LARGE1: variants seen among roughly 807,000 people sequenced by gnomAD.
LARGE1 encodes the protein LARGE xylosyl- and glucuronyltransferase 1, also known as xylosyl- and glucuronyltransferase LARGE1.
LARGE1 carries 43 observed loss-of-function variants against 87.6 expected under a neutral mutation model. The observed-to-expected ratio is 0.49, with a 90% CI of 0.38 to 0.63. LARGE1 has a LOEUF of 0.63. Ranked by LOEUF, LARGE1 falls within the 30% of genes least tolerant of loss-of-function variation. LARGE1 has a pLI of 0.00. For synonymous variants in LARGE1, 434 were observed against 394.6 expected (o/e 1.10, Z -1.18); for missense variants, 802 against 1,000.2 (o/e 0.80, Z 2.67).
chr22:33,113,729 C>T, the LARGE1 span, among the ~76,000 whole-genome samples: 1 of 152,172 alleles, frequency 6.6e-6, no homozygotes, highest in Non-Finnish European at 1.5e-5. Flanking sequence ...GTTTCAAATT[C>T]TCTCTCCCAG....
intron 3 of LARGE1, among the ~76,000 whole-genome samples, chr22:33,642,439 T>G (rs762136842): frequency 4.6e-5 from 7 of 151,998 alleles, no homozygotes; most frequent in Non-Finnish European, 8.8e-5. Context: ...ACATACCAAA[T>G]TATAAAGATC....
intron 1 of LARGE1, among the ~76,000 whole-genome samples, chr22:33,764,892 T>A (rs755422427): frequency 3.3e-5 from 5 of 152,156 alleles, no homozygotes; most frequent in South Asian, 2.1e-4. Context: ...GTTGCAACCA[T>A]CCGTTTTTTT....
intron 2 of LARGE1, among the ~76,000 whole-genome samples, chr22:33,686,839 C>T (rs1033716923): frequency 1.3e-5 from 2 of 152,164 alleles, no homozygotes; most frequent in Non-Finnish European, 2.9e-5. Context: ...CAATTATGTC[C>T]AAACTAAACA....
intron 1 of LARGE1, among the ~76,000 whole-genome samples, chr22:33,850,186 G>T (rs910925659): frequency 1.3e-5 from 2 of 152,196 alleles, no homozygotes; most frequent in South Asian, 4.1e-4. Flanking sequence ...AGGATCAGAA[G>T]ATCTCGGGCC....
the LARGE1 span, among the ~76,000 whole-genome samples, chr22:33,104,734 T>C: frequency 6.6e-6 from 1 of 152,178 alleles, no homozygotes; most frequent in Non-Finnish European, 1.5e-5. Context: ...AGAGACCTCT[T>C]CTTCTGCCTA....
At chr22:33,071,673 C>T in the LARGE1 span, among the ~76,000 whole-genome samples, 6 of 152,266 alleles carry the variant, frequency 3.9e-5, no homozygotes, top group African/African-American at 1.2e-4. Flanking sequence ...TATATTAATA[C>T]ATGTTTATGG....
intron 5 of LARGE1, among the ~76,000 whole-genome samples, chr22:33,597,669 A>T (rs1405332513): frequency 1.3e-5 from 2 of 152,150 alleles, no homozygotes; most frequent in South Asian, 4.2e-4. Flanking sequence ...ATTGGGTCTA[A>T]GAGAAAAGGA....
chr22:33,321,517 C>A (rs1049429691), intron 10 of LARGE1, among the ~76,000 whole-genome samples: 1 of 152,270 alleles, frequency 6.6e-6, no homozygotes, highest in Non-Finnish European at 1.5e-5. Flanking sequence ...TTATCCTCCA[C>A]TGGAGACTAA....
At chr22:33,368,627 G>A (rs2064685646) in intron 9 of LARGE1, among the ~76,000 whole-genome samples, 1 of 151,738 alleles carries the variant, frequency 6.6e-6, no homozygotes, top group African/African-American at 2.4e-5. Context: ...GTTCTAATGA[G>A]CTCTGTGTGT....
At chr22:33,154,641 CTCTT>C in the LARGE1 span, among the ~76,000 whole-genome samples, 1 of 152,168 alleles carries the variant, frequency 6.6e-6, no homozygotes, top group Non-Finnish European at 1.5e-5. Context: ...TTCCTCATCA[CTCTT>C]TCTTCCTTTC....
the LARGE1 span, among the ~76,000 whole-genome samples, chr22:33,091,610 T>C: frequency 3.0e-4 from 42 of 139,988 alleles, no homozygotes; most frequent in Non-Finnish European, 1.6e-5. Context: ...AGACATCTTA[T>C]CCTTGGTCTG....
chr22:33,460,496 G>A, intron 6 of LARGE1, among the ~76,000 whole-genome samples: 1 of 152,112 alleles, frequency 6.6e-6, no homozygotes, highest in African/African-American at 2.4e-5. Context: ...TAAAAATAAT[G>A]CATGTATATA....
chr22:33,796,918 C>T (rs2086004755), intron 1 of LARGE1, among the ~76,000 whole-genome samples: 1 of 151,966 alleles, frequency 6.6e-6, no homozygotes, highest in South Asian at 2.1e-4. Context: ...GGGCACACCA[C>T]CACACTTGGC....
chr22:33,184,280 G>A (rs1424415091), intron 11 of LARGE1, among the ~76,000 whole-genome samples: 1 of 151,104 alleles, frequency 6.6e-6, no homozygotes, highest in Non-Finnish European at 1.5e-5. Flanking sequence ...ATGAAACAAA[G>A]TATAATGAAA....
intron 5 of LARGE1, among the ~76,000 whole-genome samples, chr22:33,581,429 T>C (rs2078515357): frequency 6.6e-6 from 1 of 152,230 alleles, no homozygotes; most frequent in South Asian, 2.1e-4. Context: ...ACTTGAAATG[T>C]TTCCAAGTTT....
chr22:33,557,763 C>T (rs566598066), intron 6 of LARGE1, among the ~76,000 whole-genome samples: 33 of 152,226 alleles, frequency 2.2e-4, no homozygotes, highest in African/African-American at 5.5e-4. Flanking sequence ...GATGGGGTTT[C>T]GCCATGTTTG....
the LARGE1 span, among the ~76,000 whole-genome samples, chr22:33,083,215 C>T: frequency 6.6e-6 from 1 of 152,056 alleles, no homozygotes; most frequent in Non-Finnish European, 1.5e-5. Flanking sequence ...GGAGGAAAAC[C>T]CATGTCAATG....
intron 2 of LARGE1, among the ~76,000 whole-genome samples, chr22:33,659,368 T>C (rs565677474): frequency 6.6e-6 from 1 of 152,332 alleles, no homozygotes; most frequent in Admixed American, 6.5e-5. Context: ...GCAGCCAAAG[T>C]CATTTTAGAA....
At chr22:33,089,321 T>TTTCCTCTTCTTCTTCTTCTTC in the LARGE1 span, among the ~76,000 whole-genome samples, 1 of 87,046 alleles carries the variant, frequency 1.1e-5, no homozygotes, top group Non-Finnish European at 2.2e-5. Flanking sequence ...TTCTTTCTTC[T>TTTCCTCTTCTTCTTCTTCTTC]TTCTTCTTCT....
Sources: allele counts gnomAD v4.1 joint callset (sites outside exome capture counted in the v4.1 genomes callset), GRCh38; gene constraint gnomAD v4.1.1; transcripts MANE v1.5; gene names NCBI Gene and HGNC (gene_info 2026-07-23, HGNC 2026-07-21).